FAM135B: variants seen among roughly 807,000 people sequenced by gnomAD.
The protein encoded by FAM135B is protein FAM135B.
Under a neutral mutation model 127.7 loss-of-function variants are expected in FAM135B, and 43 were observed. The ratio of observed to expected loss-of-function variants is 0.34; its 90% CI spans 0.26 to 0.43. The LOEUF is 0.43. Ranked by LOEUF, FAM135B falls within the 20% of genes least tolerant of loss-of-function variation. The pLI, the probability that FAM135B is intolerant of heterozygous loss-of-function variation, is 1.00. For synonymous variants in FAM135B, 670 were observed against 665.1 expected (o/e 1.01, Z -0.11); for missense variants, 1,558 against 1,725.6 (o/e 0.90, Z 1.72).
At chr8:138,439,314 T>C (rs1024122540) in intron 1 of FAM135B, 21 of 152,156 alleles carry the variant, frequency 1.4e-4, no homozygotes, top group African/African-American at 4.8e-4. Flanking sequence ...CATAGGACAA[T>C]AAATGACGTT....
intron 1 of FAM135B, among the ~76,000 whole-genome samples, chr8:138,476,164 A>G (rs1402281216): frequency 2.0e-5 from 3 of 152,210 alleles, no homozygotes; most frequent in African/African-American, 7.2e-5. Flanking sequence ...GAAAAAGCAA[A>G]ACCATGAAGA....
At chr8:138,266,417 G>T (rs971574246) in intron 3 of FAM135B, among the ~76,000 whole-genome samples, 2 of 151,836 alleles carry the variant, frequency 1.3e-5, no homozygotes, top group African/African-American at 4.8e-5. Flanking sequence ...GTGCATTCTA[G>T]ATATACTATA....
chr8:138,469,767 A>C (rs1030990630), intron 1 of FAM135B, among the ~76,000 whole-genome samples: 1 of 152,176 alleles, frequency 6.6e-6, no homozygotes, highest in Admixed American at 6.5e-5. Context: ...TTTTGGGGAG[A>C]AGAAGGGCTG....
At chr8:138,477,512 ATCG>A (rs1447150996) in intron 1 of FAM135B, 1 of 152,144 alleles carries the variant, frequency 6.6e-6, no homozygotes, top group Non-Finnish European at 1.5e-5. Flanking sequence ...GAGCTGCTTG[ATCG>A]TCATGGCTAC....
At chr8:138,302,932 A>G (rs1825992097) in intron 3 of FAM135B, among the ~76,000 whole-genome samples, 1 of 152,256 alleles carries the variant, frequency 6.6e-6, no homozygotes, top group African/African-American at 2.4e-5. Context: ...AAGTCAGGAA[A>G]CAACAGATGC....
In FAM135B at chr8:138,187,951, AT is replaced by A. The variant is rs548391531; in HGVS notation, c.873+7306del. Among the ~76,000 whole-genome samples the A allele has an allele frequency of 4.1e-4, 62 of 152,326 alleles. 1 individual carries two copies. The highest frequency in any genetic ancestry group is 1.4e-3 in the African/African-American group (58 of 41,584). On this transcript the variant is annotated intron_variant, in intron 9 of 19. Coordinates refer to ENST00000395297, the MANE Select transcript of FAM135B (RefSeq NM_015912.4). The stretch of plus-strand genomic sequence containing the variant: ...TTGTGTCTAATATCAGGGAACCTCC[AT>A]AAAACCTTTAAGGGATGGGTCTTAG...
chr8:138,286,348 G>A (rs1285293240), intron 3 of FAM135B, among the ~76,000 whole-genome samples: 1 of 152,230 alleles, frequency 6.6e-6, no homozygotes. Context: ...GTGTCAGGTA[G>A]AAGGAGATTA....
intron 2 of FAM135B, among the ~76,000 whole-genome samples, chr8:138,317,877 G>A (rs1827203087): frequency 6.6e-6 from 1 of 152,190 alleles, no homozygotes; most frequent in East Asian, 1.9e-4. Flanking sequence ...TCTGTGTGAG[G>A]GCAGCAGTGG....
At chr8:138,349,230 A>G (rs1197775646) in intron 2 of FAM135B, among the ~76,000 whole-genome samples, 1 of 152,202 alleles carries the variant, frequency 6.6e-6, no homozygotes, top group Non-Finnish European at 1.5e-5. Context: ...CTGTTCAATA[A>G]GGTTGGGAGC....
chr8:138,211,551 T>C (rs1415272182), intron 7 of FAM135B, among the ~76,000 whole-genome samples: 2 of 152,230 alleles, frequency 1.3e-5, no homozygotes, highest in Non-Finnish European at 2.9e-5. Flanking sequence ...TAAGATCAAG[T>C]TGTTAAACAT....
intron 1 of FAM135B, chr8:138,441,734 T>C (rs1835778204): frequency 6.6e-6 from 1 of 152,090 alleles, no homozygotes; most frequent in Non-Finnish European, 1.5e-5. Context: ...CTTTTTTTTT[T>C]TCCTTAGATT....
intron 7 of FAM135B, among the ~76,000 whole-genome samples, chr8:138,210,498 G>A (rs981854369): frequency 2.0e-5 from 3 of 152,244 alleles, no homozygotes; most frequent in East Asian, 3.9e-4. Flanking sequence ...TGACTGGGGG[G>A]ACTCAGGAAA....
chr8:138,186,821 A>T (rs1009596812), intron 9 of FAM135B, among the ~76,000 whole-genome samples: 5 of 152,202 alleles, frequency 3.3e-5, no homozygotes, highest in Admixed American at 6.5e-5. Flanking sequence ...CCTGCGTCCT[A>T]ACCCCTGAAT....
intron 1 of FAM135B, among the ~76,000 whole-genome samples, chr8:138,483,642 C>A (rs1814874056): frequency 6.6e-6 from 1 of 152,204 alleles, no homozygotes; most frequent in African/African-American, 2.4e-5. Context: ...TGTACCAGCT[C>A]CCTCTTTGGG....
At chr8:138,457,775 C>T (rs895466758) in intron 1 of FAM135B, among the ~76,000 whole-genome samples, 1 of 152,084 alleles carries the variant, frequency 6.6e-6, no homozygotes, top group African/African-American at 2.4e-5. Context: ...AGTTCAAAAC[C>T]AGCCTGGCCA....
chr8:138,130,145 T>C lies in FAM135B; in HGVS notation c.*2448A>G, dbSNP rs1393729627. 1 of 151,594 alleles carries C rather than the reference T, an allele frequency of 6.6e-6. No individual in the cohort carries two copies. The allele number at this position is 151,594 out of a possible 1,614,324, so 9.4% of individuals were successfully genotyped here. A position where few individuals can be genotyped will look rare whatever the true frequency, so the allele number is the denominator to read the frequency against. On this transcript the variant is annotated 3_prime_UTR_variant, in exon 20 of 20. Coordinates refer to ENST00000395297, the MANE Select transcript of FAM135B (RefSeq NM_015912.4). The stretch of plus-strand genomic sequence containing the variant: ...AAGACCATTATCTTGGCAGGCATTT[T>C]GTTTATAATTTTTACAATCAATAAT...
chr8:138,378,352 T>C (rs902551178), intron 1 of FAM135B, among the ~76,000 whole-genome samples: 21 of 152,210 alleles, frequency 1.4e-4, no homozygotes, highest in Non-Finnish European at 2.8e-4. Context: ...GGCCAACCCC[T>C]CAGCAGCTGT....
chr8:138,450,437 G>T (rs1836424675), intron 1 of FAM135B: 1 of 152,228 alleles, frequency 6.6e-6, no homozygotes, highest in African/African-American at 2.4e-5. Flanking sequence ...CCTTCCACAG[G>T]GATTATATCA....
rs187944173 is a variant in FAM135B at position 138,319,295 on chromosome 8, C to T, written c.78-8375G>A. On this transcript the variant is annotated intron_variant, in intron 2 of 19. Transcript: ENST00000395297. ...CTAATTTTTGTATTTTTAGTAGAGA[C>T]GGGGTTTCACCATGTTGGCCAGACT... Among the ~76,000 whole-genome samples, 197 of 152,178 alleles carry T rather than the reference C, an allele frequency of 1.3e-3. 3 individuals are homozygous for T. The highest frequency in any genetic ancestry group is 4.1e-3 in the African/African-American group (172 of 41,526).
Sources: gnomAD v4.1 joint callset for allele counts (sites outside exome capture counted in the v4.1 genomes callset) on GRCh38, gnomAD v4.1.1 for gene constraint, MANE v1.5 for transcripts, NCBI Gene and HGNC (gene_info 2026-07-23, HGNC 2026-07-21) for gene names.